CAMK1D: variants seen among roughly 807,000 people sequenced by gnomAD.
CAMK1D encodes the protein calcium/calmodulin-dependent protein kinase type 1D.
Under a neutral mutation model 47.7 loss-of-function variants are expected in CAMK1D, and 9 were observed. That is an observed-to-expected ratio of 0.19 (90% CI 0.11 to 0.33). CAMK1D has a LOEUF of 0.33. Ranked by LOEUF, CAMK1D falls within the 10% of genes least tolerant of loss-of-function variation. The pLI is 1.00. For missense variants in CAMK1D, 291 were observed against 488.7 expected (o/e 0.60, Z 3.81); for synonymous variants, 184 against 184.9 (o/e 0.99, Z 0.04).
intron 1 of CAMK1D, among the ~76,000 whole-genome samples, chr10:12,498,801 C>T (rs11257832): frequency 0.17 from 25,705 of 152,176 alleles, 2,439 homozygotes; most frequent in East Asian, 0.38. Flanking sequence ...TTGCCATGAA[C>T]TCCCTACTTC....
At chr10:12,374,285 AAAG>A (rs1838105111) in intron 1 of CAMK1D, among the ~76,000 whole-genome samples, 1 of 151,382 alleles carries the variant, frequency 6.6e-6, no homozygotes, top group African/African-American at 2.4e-5. Context: ...AAAAAAGAAA[AAAG>A]AAAAAAAGAG....
intron 1 of CAMK1D, among the ~76,000 whole-genome samples, chr10:12,421,820 G>C (rs1252645475): frequency 6.8e-6 from 1 of 146,870 alleles, no homozygotes; most frequent in Non-Finnish European, 1.5e-5. Flanking sequence ...AGGTATTTGG[G>C]ACTCTTATTT....
intron 2 of CAMK1D, among the ~76,000 whole-genome samples, chr10:12,641,168 C>A (rs1163405069): frequency 6.6e-6 from 1 of 152,048 alleles, no homozygotes; most frequent in African/African-American, 2.4e-5. Context: ...GGGGTTTCAC[C>A]ATGATGGCCA....
intron 1 of CAMK1D, among the ~76,000 whole-genome samples, chr10:12,454,878 G>A (rs556972721): frequency 4.6e-5 from 7 of 152,222 alleles, no homozygotes; most frequent in Non-Finnish European, 1.0e-4. Context: ...ACAGTTAGCT[G>A]TTCTCCTACA....
intron 3 of CAMK1D, among the ~76,000 whole-genome samples, chr10:12,687,612 T>C (rs1216599071): frequency 6.6e-6 from 1 of 152,178 alleles, no homozygotes; most frequent in African/African-American, 2.4e-5. Flanking sequence ...ACCAAAGGCA[T>C]ATGTACAGCT....
intron 1 of CAMK1D, among the ~76,000 whole-genome samples, chr10:12,473,018 G>T (rs1160942914): frequency 6.6e-6 from 1 of 152,182 alleles, no homozygotes; most frequent in Non-Finnish European, 1.5e-5. Flanking sequence ...AGGAAAGTGA[G>T]CGTATGCCTG....
chr10:12,560,390 C>CA (rs1836898194), intron 2 of CAMK1D, among the ~76,000 whole-genome samples: 1 of 151,406 alleles, frequency 6.6e-6, no homozygotes, highest in Admixed American at 6.6e-5. Context: ...CCGTCTCTAC[C>CA]AAAAATACAA....
intron 1 of CAMK1D, among the ~76,000 whole-genome samples, chr10:12,495,122 G>A (rs1268732062): frequency 1.3e-5 from 2 of 152,248 alleles, no homozygotes; most frequent in Admixed American, 1.3e-4. Context: ...CTTGTGGGCT[G>A]TAAACTTAGA....
At chr10:12,711,262 A>G (rs1308904555) in intron 3 of CAMK1D, among the ~76,000 whole-genome samples, 4 of 152,206 alleles carry the variant, frequency 2.6e-5, no homozygotes, top group Non-Finnish European at 4.4e-5. Flanking sequence ...CAGTGGTCAT[A>G]GGGGACTGGA....
chr10:12,721,640 C>A (rs1834382852), intron 3 of CAMK1D, among the ~76,000 whole-genome samples: 1 of 152,154 alleles, frequency 6.6e-6, no homozygotes, highest in Non-Finnish European at 1.5e-5. Flanking sequence ...TAGACAAGGA[C>A]CCTGTGCTCA....
At chr10:12,713,350 G>C (rs1007495764) in intron 3 of CAMK1D, among the ~76,000 whole-genome samples, 3 of 152,330 alleles carry the variant, frequency 2.0e-5, no homozygotes, top group African/African-American at 7.2e-5. Context: ...TCCTGTTTCA[G>C]CTTTGAGGTT....
chr10:12,546,181 A>G (rs1179429880), intron 1 of CAMK1D, among the ~76,000 whole-genome samples: 2 of 152,172 alleles, frequency 1.3e-5, no homozygotes, highest in Non-Finnish European at 2.9e-5. Flanking sequence ...TCAGTAACAG[A>G]TAGGAGATAG....
chr10:12,567,389 T>A (rs1319403414), intron 2 of CAMK1D, among the ~76,000 whole-genome samples: 3 of 152,132 alleles, frequency 2.0e-5, no homozygotes, highest in African/African-American at 7.2e-5. Flanking sequence ...GGACACTGGG[T>A]CATCCCGAGG....
At chr10:12,365,242 C>T (rs1249769018) in intron 1 of CAMK1D, among the ~76,000 whole-genome samples, 1 of 152,084 alleles carries the variant, frequency 6.6e-6, no homozygotes, top group East Asian at 1.9e-4. Flanking sequence ...AGGTGTGAGC[C>T]ACCAAGCCGG....
chr10:12,634,867 C>T lies in CAMK1D; in HGVS notation c.225-31869C>T, dbSNP rs77631952. On this transcript the variant is annotated intron_variant, in intron 2 of 10. Coordinates refer to ENST00000619168, the MANE Select transcript of CAMK1D (RefSeq NM_153498.4). The stretch of plus-strand genomic sequence containing the variant: ...GGCATTTTGAGGTCATGATGGTGGC[C>T]GGGATTCTGCCCATGTTCAGTGGGA... 1.6e-3 allele frequency among the ~76,000 whole-genome samples: 250 copies of T among 152,136 alleles called. 8 individuals carry two copies. The East Asian group carries it at 0.045, about 27-fold the overall frequency.
intron 1 of CAMK1D, among the ~76,000 whole-genome samples, chr10:12,509,974 A>C (rs1298447629): frequency 2.0e-5 from 3 of 152,214 alleles, no homozygotes; most frequent in African/African-American, 7.2e-5. Flanking sequence ...GATCACTGAA[A>C]ATAAGATTCT....
intron 1 of CAMK1D, among the ~76,000 whole-genome samples, chr10:12,509,257 A>C (rs977403290): frequency 3.9e-5 from 6 of 152,184 alleles, no homozygotes; most frequent in African/African-American, 1.2e-4. Flanking sequence ...CTTCTAATAC[A>C]GCCATTCTGT....
intron 8 of CAMK1D, among the ~76,000 whole-genome samples, chr10:12,819,132 T>G (rs1832917824): frequency 6.6e-6 from 1 of 152,108 alleles, no homozygotes; most frequent in Non-Finnish European, 1.5e-5. Context: ...ACCAAACATT[T>G]TGGAAAAAAC....
chr10:12,780,475 A>G (rs1279858615), intron 5 of CAMK1D, among the ~76,000 whole-genome samples: 1 of 152,146 alleles, frequency 6.6e-6, no homozygotes, highest in East Asian at 1.9e-4. Flanking sequence ...GTATGTAAAT[A>G]TCTACGTGTC....
Sources: gnomAD v4.1 joint callset for allele counts (sites outside exome capture counted in the v4.1 genomes callset) on GRCh38, gnomAD v4.1.1 for gene constraint, MANE v1.5 for transcripts, NCBI Gene and HGNC (gene_info 2026-07-23, HGNC 2026-07-21) for gene names.